The following NIBAN1 variants were observed in gnomAD, a reference collection of about 807,000 sequenced individuals.
The protein encoded by NIBAN1 is niban apoptosis regulator 1.
In NIBAN1, 81 loss-of-function variants were observed where a neutral mutation model predicts 75.1. That is an observed-to-expected ratio of 1.08 (90% CI 0.90 to 1.30). The LOEUF (loss-of-function observed/expected upper bound fraction) is 1.30, where lower values mean the gene tolerates loss of function less well. Among genes scored for constraint, NIBAN1 ranks in the 50% most tolerant of loss-of-function variants. The pLI is 0.00. For synonymous variants in NIBAN1, 436 were observed against 424.8 expected, an observed-to-expected ratio of 1.03 and a Z score of -0.32; for missense variants, 1,133 against 1,128.1, an observed-to-expected ratio of 1.00 and a Z score of -0.06.
chr1:184,796,138 A>G (rs1653858734), intron 13 of NIBAN1, 41 bp from the exon 14 acceptor site: 2 of 1,486,760 alleles, frequency 1.3e-6, no homozygotes, highest in Middle Eastern at 1.8e-4. Flanking sequence ...TTCTGATTTT[A>G]TTGAGAAGCC....
At chr1:184,970,234 T>G (rs1423903922) in intron 1 of NIBAN1, among the ~76,000 whole-genome samples, 1 of 151,518 alleles carries the variant, frequency 6.6e-6, no homozygotes, top group Non-Finnish European at 1.5e-5. Context: ...CCACGGTGTC[T>G]ACCATAATGC....
chr1:184,964,612 A>G (rs1658731740), intron 1 of NIBAN1, among the ~76,000 whole-genome samples: 1 of 152,212 alleles, frequency 6.6e-6, no homozygotes. Context: ...ATGTGAGCTC[A>G]TGCATGCAAT....
chr1:184,894,427 C>G (rs2101982323), intron 2 of NIBAN1, among the ~76,000 whole-genome samples: 1 of 152,238 alleles, frequency 6.6e-6, no homozygotes, highest in Non-Finnish European at 1.5e-5. Context: ...ATTTTCATTT[C>G]CCTCTATTAT....
intron 1 of NIBAN1, among the ~76,000 whole-genome samples, chr1:184,927,308 C>G (rs527256420): frequency 1.3e-5 from 2 of 152,166 alleles, no homozygotes; most frequent in Admixed American, 6.5e-5. Flanking sequence ...CTTAGGAAGG[C>G]TTTCCAGGTA....
intron 1 of NIBAN1, among the ~76,000 whole-genome samples, chr1:184,901,486 G>C (rs1285564328): frequency 5.3e-5 from 8 of 152,090 alleles, no homozygotes; most frequent in Admixed American, 5.2e-4. Context: ...TTCTTACATA[G>C]GAGTGGGACA....
chr1:184,843,455 A>G (rs1655351035), intron 5 of NIBAN1, among the ~76,000 whole-genome samples: 1 of 152,184 alleles, frequency 6.6e-6, no homozygotes, highest in Non-Finnish European at 1.5e-5. Context: ...CCCCCGCAAA[A>G]AAAAAGAGAG....
At chr1:184,823,777 C>T (rs750511283) in intron 6 of NIBAN1, 35 bp from the exon 7 acceptor site, 106 of 1,577,214 alleles carry the variant, frequency 6.7e-5, no homozygotes, top group Middle Eastern at 3.4e-4. Context: ...GTCGGTCAGT[C>T]GGTGATGGCT....
intron 5 of NIBAN1, among the ~76,000 whole-genome samples, chr1:184,838,723 A>G (rs1176152646): frequency 6.6e-6 from 1 of 152,156 alleles, no homozygotes; most frequent in African/African-American, 2.4e-5. Context: ...AATCAACTGA[A>G]ACACCAAAGC....
chr1:184,926,667 G>C (rs1657693904), intron 1 of NIBAN1, among the ~76,000 whole-genome samples: 1 of 152,148 alleles, frequency 6.6e-6, no homozygotes, highest in African/African-American at 2.4e-5. Context: ...ACCCAAGTTA[G>C]GTGTTCTATA....
rs1653772015 is a variant in NIBAN1, at chr1:184,794,188, G to A, written c.*789C>T. Reference sequence around the variant, plus strand: ...TGTTTGTTTAATTGACGGGTTTTAAGCTCGATAACTTAGCTAAGCCCTTTG... The same window carrying A: ...TGTTTGTTTAATTGACGGGTTTTAAACTCGATAACTTAGCTAAGCCCTTTG... On this transcript the variant is annotated 3_prime_UTR_variant, in exon 14 of 14. Coordinates refer to ENST00000367511, the MANE Select transcript of NIBAN1 (RefSeq NM_052966.4). 1 of 152,158 alleles carries A rather than the reference G, an allele frequency of 6.6e-6. No individual in the cohort carries two copies. The highest frequency in any genetic ancestry group is 1.5e-5 in the Non-Finnish European group (1 of 68,082). The allele number at this position is 152,158 out of a possible 1,614,324, so 9.4% of individuals were successfully genotyped here.
In NIBAN1 at chr1:184,808,080, C is replaced by A; in HGVS notation, c.1329G>T (p.Met443Ile). 6.2e-7 allele frequency: 1 copy of A among 1,613,920 alleles called. No homozygotes were observed. The highest frequency in any genetic ancestry group is 8.5e-7 in the Non-Finnish European group (1 of 1,179,882). Reference protein sequence around the residue: ...DLVVQRTQNYMQELMENAVFT... With the variant: ...DLVVQRTQNYIQELMENAVFT... Reference sequence around the variant, plus strand: ...ATGCCCCTGCCACACCCACCTCCTGCATGTAGTTCTGTGTCCTCTGAACCA... The same window carrying A: ...ATGCCCCTGCCACACCCACCTCCTGAATGTAGTTCTGTGTCCTCTGAACCA... Residue 443 changes from methionine (M) to isoleucine (I), a missense_variant, in exon 10 of 14, where the codon ATG becomes ATT. Coordinates refer to ENST00000367511, the MANE Select transcript of NIBAN1 (RefSeq NM_052966.4).
intron 9 of NIBAN1, among the ~76,000 whole-genome samples, chr1:184,812,038 A>G (rs906930237): frequency 1.3e-5 from 2 of 152,288 alleles, no homozygotes; most frequent in East Asian, 1.9e-4. Flanking sequence ...TCCTTTCGCT[A>G]CTAACTAGTG....
At chr1:184,821,058 C>G (rs1361469214) in intron 8 of NIBAN1, among the ~76,000 whole-genome samples, 1 of 152,206 alleles carries the variant, frequency 6.6e-6, no homozygotes, top group African/African-American at 2.4e-5. Context: ...GCTCTTTGTT[C>G]TACCGCTGGT....
chr1:184,795,007 C>G lies in NIBAN1; in HGVS notation c.2757G>C (p.Glu919Asp). 1 of 1,612,360 alleles carries G rather than the reference C, an allele frequency of 6.2e-7. No homozygotes were observed. Among genetic ancestry groups the G allele is most frequent in the South Asian group, 1.1e-5 (1 of 91,086 alleles). Residue 919 changes from glutamate (E) to aspartate (D), a missense_variant, in exon 14 of 14, where the codon GAG (glutamate) becomes GAC (aspartate). By Grantham distance (45) the Glu-to-Asp change is conservative. Transcript: ENST00000367511. ...DDVKEGEGGQ[E>D]SFPELPSEE The stretch of plus-strand genomic sequence containing the variant: ...CCTCTGAGGGCAGCTCTGGGAAACT[C>G]TCCTGACCACCTTCTCCCTCCTTCA...
At chr1:184,875,373 C>T (rs1407786780) in intron 5 of NIBAN1, among the ~76,000 whole-genome samples, 2 of 152,180 alleles carry the variant, frequency 1.3e-5, no homozygotes, top group African/African-American at 4.8e-5. Flanking sequence ...CATGAAGCTG[C>T]AGTCACATGT....
chr1:184,893,933 G>T, intron 3 of NIBAN1, 142 bp downstream of exon 3: 1 of 785,512 alleles, frequency 1.3e-6, no homozygotes. Flanking sequence ...AGTGCTTATT[G>T]AATGAATCAG....
intron 6 of NIBAN1, among the ~76,000 whole-genome samples, chr1:184,827,942 C>A (rs953939162): frequency 7.5e-6 from 1 of 134,138 alleles, no homozygotes; most frequent in African/African-American, 2.7e-5. Context: ...CCTAAAAATG[C>A]GGGTAGTTTT....
chr1:184,855,580 C>T (rs774714324), intron 5 of NIBAN1, among the ~76,000 whole-genome samples: 1 of 152,104 alleles, frequency 6.6e-6, no homozygotes. Context: ...TGCCTGACCT[C>T]TCCCCCTTCA....
intron 9 of NIBAN1, among the ~76,000 whole-genome samples, chr1:184,811,035 T>C (rs1654362630): frequency 6.6e-6 from 1 of 152,172 alleles, no homozygotes; most frequent in Non-Finnish European, 1.5e-5. Flanking sequence ...TTGAGCTCTC[T>C]GAGTTTCTTC....
Sources: gnomAD v4.1 joint callset for allele counts (sites outside exome capture counted in the v4.1 genomes callset) on GRCh38, gnomAD v4.1.1 for gene constraint, MANE v1.5 for transcripts, NCBI Gene and HGNC (gene_info 2026-07-23, HGNC 2026-07-21) for gene names.